WDR72: variants seen among roughly 807,000 people sequenced by gnomAD.
WDR72 encodes WD repeat-containing protein 72.
WDR72 carries 120 observed loss-of-function variants against 124.2 expected under a neutral mutation model. The observed-to-expected ratio is 0.97, with a 90% CI of 0.83 to 1.12. The LOEUF (loss-of-function observed/expected upper bound fraction) is 1.12, where lower values mean the gene tolerates loss of function less well. WDR72 is among the 50% of genes most tolerant of loss of function. The probability of loss-of-function intolerance (pLI) is 0.00; values close to 1 mark genes in which losing one functional copy is unlikely to be tolerated. For synonymous variants in WDR72, 452 were observed against 441.7 expected, an observed-to-expected ratio of 1.02 and a Z score of -0.29; for missense variants, 1,387 against 1,278.8, an observed-to-expected ratio of 1.08 and a Z score of -1.29.
chr15:53,544,603 A>G (rs1248358734), intron 18 of WDR72, among the ~76,000 whole-genome samples: 1 of 149,210 alleles, frequency 6.7e-6, no homozygotes, highest in Non-Finnish European at 1.5e-5. Context: ...AAGTGGCACA[A>G]GACAGGGATG....
chr15:53,722,415 T>G (rs146152185), intron 3 of WDR72, among the ~76,000 whole-genome samples: 2,020 of 152,242 alleles, frequency 0.013, 44 homozygotes, highest in African/African-American at 0.047. Flanking sequence ...CTATGAAAGC[T>G]TGGATGGGTT....
Position 53,559,119 on chromosome 15 carries a change from TTATAACTTGCTAATG to T in WDR72, c.3149-35812_3149-35798del, listed in dbSNP as rs557210642. Among the ~76,000 whole-genome samples the T allele has an allele frequency of 2.6e-5, 4 of 152,100 alleles. No homozygotes were observed. The South Asian group carries it at 8.3e-4, about 31-fold the overall frequency. ...ACGCCAACGTTAAATGGTTATTTAC[TTATAACTTGCTAATG>T]TACTTTTCTCCCTGAGTATTGGCAT... is the stretch of plus-strand genomic sequence containing the variant. On this transcript the variant is annotated intron_variant, in intron 18 of 19. Coordinates refer to ENST00000360509, the MANE Select transcript of WDR72 (RefSeq NM_182758.4).
intron 18 of WDR72, among the ~76,000 whole-genome samples, chr15:53,559,673 A>T (rs1428809008): frequency 6.6e-6 from 1 of 151,974 alleles, no homozygotes; most frequent in Non-Finnish European, 1.5e-5. Flanking sequence ...TCCGACAGCC[A>T]CAGTAGGCGG....
At chr15:53,571,356 C>T (rs1894519804) in intron 18 of WDR72, among the ~76,000 whole-genome samples, 2 of 152,020 alleles carry the variant, frequency 1.3e-5, no homozygotes, top group Admixed American at 6.6e-5. Context: ...TATCCTTTGA[C>T]CAATGTCTCT....
chr15:53,719,400 A>G (rs1259175191), intron 3 of WDR72, among the ~76,000 whole-genome samples: 1 of 151,520 alleles, frequency 6.6e-6, no homozygotes, highest in African/African-American at 2.4e-5. Context: ...TAAGTTATCT[A>G]CTCCCCTGGC....
intron 14 of WDR72, among the ~76,000 whole-genome samples, chr15:53,622,118 GA>G (rs1187464182): frequency 6.6e-6 from 1 of 151,920 alleles, no homozygotes; most frequent in Non-Finnish European, 1.5e-5. Context: ...AAAAAGTCAA[GA>G]AACAACAGAT....
At chr15:53,612,121 CT>C (rs2013565873) in intron 16 of WDR72, among the ~76,000 whole-genome samples, 1 of 152,116 alleles carries the variant, frequency 6.6e-6, no homozygotes, top group South Asian at 2.1e-4. Context: ...AGCCATCTAT[CT>C]TATTTATCTC....
chr15:53,540,860 C>T (rs1343993705), intron 18 of WDR72: 1 of 154,366 alleles, frequency 6.5e-6, no homozygotes, highest in Non-Finnish European at 1.4e-5. Context: ...AGTTCCCTTT[C>T]CTAGTCAAAG....
chr15:53,649,701 C>T (rs2015164504), intron 14 of WDR72, among the ~76,000 whole-genome samples: 1 of 152,014 alleles, frequency 6.6e-6, no homozygotes, highest in African/African-American at 2.4e-5. Flanking sequence ...CATTAATTAT[C>T]AAAGAAATGC....
intron 14 of WDR72, among the ~76,000 whole-genome samples, chr15:53,654,388 A>G (rs1266449688): frequency 6.6e-6 from 1 of 152,212 alleles, no homozygotes; most frequent in East Asian, 1.9e-4. Flanking sequence ...ATATCCTTAG[A>G]TTTTATTAAT....
chr15:53,660,444 G>T (rs2015571274), intron 14 of WDR72, among the ~76,000 whole-genome samples: 1 of 152,040 alleles, frequency 6.6e-6, no homozygotes, highest in African/African-American at 2.4e-5. Context: ...AAGGTGATAG[G>T]TAGTAGTGGG....
rs748421853 is a variant in WDR72, at chr15:53,615,510, T to C, written c.2696A>G (p.Asp899Gly). The C allele has an allele frequency of 1.7e-5, 28 of 1,612,776 alleles. No individual in the cohort carries two copies. Among genetic ancestry groups the C allele is most frequent in the Non-Finnish European group, 2.4e-5 (28 of 1,179,412 alleles). Residue 899 changes from aspartate (D) to glycine (G), a missense_variant, in exon 15 of 20, where the codon GAT (aspartate) becomes GGT (glycine). Coordinates refer to ENST00000360509, the MANE Select transcript of WDR72 (RefSeq NM_182758.4). ...TCTGCTCAACAAATAAACTATAGTA[T>C]CTGACTCTCGCAAAGAATCACAATT... ...ENNCDSLRES[D>G]TIVYLLSRLF... is the part of the protein sequence containing the mutation.
intron 14 of WDR72, among the ~76,000 whole-genome samples, chr15:53,620,256 T>TATATATGCAAAATATATTATGACATAC (rs2013936117): frequency 1.3e-5 from 2 of 152,128 alleles, no homozygotes; most frequent in East Asian, 1.9e-4. Flanking sequence ...TTATGGCATA[T>TATATATGCAAAATATATTATGACATAC]ATATATGCAA....
In WDR72 at chr15:53,718,701, A is replaced by C. The variant is rs992249992; in HGVS notation, c.261-2016T>G. Among the ~76,000 whole-genome samples, 6 of 150,454 alleles carry C rather than the reference A, an allele frequency of 4.0e-5. No homozygotes were observed. In the South Asian group the frequency reaches 8.3e-4, roughly 21 times the overall value. ...CTGAAGCTGTCGCCTAAGTTTGTAC[A>C]TAGCTAAAATCACATTCTGTTATAA... On this transcript the variant is annotated intron_variant, in intron 3 of 19. Coordinates refer to ENST00000360509, the MANE Select transcript of WDR72 (RefSeq NM_182758.4).
chr15:53,541,240 CCTAT>C (rs1258937652), intron 18 of WDR72: 4 of 153,230 alleles, frequency 2.6e-5, no homozygotes, highest in African/African-American at 4.8e-5. Flanking sequence ...CTTAAATGTC[CCTAT>C]CTAACAGCTT....
chr15:53,568,410 G>C (rs4457943), intron 18 of WDR72, among the ~76,000 whole-genome samples: 2 of 151,650 alleles, frequency 1.3e-5, no homozygotes, highest in East Asian at 3.9e-4. Flanking sequence ...TGTGACAGAC[G>C]CTATTTGAAC....
chr15:53,706,066 G>A lies in WDR72; in HGVS notation c.963C>T (p.Ser321=). 2 of 1,613,902 alleles carry A rather than the reference G, an allele frequency of 1.2e-6. No individual in the cohort carries two copies. Among genetic ancestry groups the A allele is most frequent in the Non-Finnish European group, 1.7e-6 (2 of 1,179,962 alleles). The change falls in exon 10 of 20, where the codon AGC becomes AGT. Residue 321 remains serine, a synonymous_variant. Coordinates refer to ENST00000360509, the MANE Select transcript of WDR72 (RefSeq NM_182758.4). ...TCATGTAGCCCATAACAAAGGGACG[G>A]CTCTGTTCCTAAACAAAAAGTGAGC... ...STSVQENKEQ[S]RPFVMGYMNE... is the part of the protein sequence containing the mutation.
At chr15:53,688,854 T>C (rs1329777165) in intron 13 of WDR72, among the ~76,000 whole-genome samples, 1 of 151,986 alleles carries the variant, frequency 6.6e-6, no homozygotes. Context: ...ATGGTACTGG[T>C]ACCAAAACAG....
chr15:53,544,891 A>T (rs1222996952), intron 18 of WDR72, among the ~76,000 whole-genome samples: 1 of 151,606 alleles, frequency 6.6e-6, no homozygotes, highest in Middle Eastern at 3.4e-3. Flanking sequence ...GAGCCAAATC[A>T]TGAGTGAACT....
Sources: allele counts gnomAD v4.1 joint callset (sites outside exome capture counted in the v4.1 genomes callset), GRCh38; gene constraint gnomAD v4.1.1; transcripts MANE v1.5; gene names NCBI Gene and HGNC (gene_info 2026-07-23, HGNC 2026-07-21).